TUBGCP6: variants seen among roughly 807,000 people sequenced by gnomAD.
TUBGCP6 encodes the protein gamma-tubulin complex component 6.
In TUBGCP6, 161 loss-of-function variants were observed where a neutral mutation model predicts 175.8. That is an observed-to-expected ratio of 0.92 (90% CI 0.81 to 1.04). The LOEUF (loss-of-function observed/expected upper bound fraction) is 1.04, where lower values mean the gene tolerates loss of function less well. Ranked by LOEUF, TUBGCP6 falls within the 50% of genes least tolerant of loss-of-function variation. The probability of loss-of-function intolerance (pLI) is 0.00; values close to 1 mark genes in which losing one functional copy is unlikely to be tolerated. For synonymous variants in TUBGCP6, 1,173 were observed against 1,030.5 expected, an observed-to-expected ratio of 1.14 and a Z score of -2.65; for missense variants, 2,572 against 2,433.0, an observed-to-expected ratio of 1.06 and a Z score of -1.20.
Position 50,220,308 on chromosome 22 carries a change from C to G in TUBGCP6, c.4051G>C (p.Ala1351Pro), listed in dbSNP as rs200701438. 7.4e-5 allele frequency: 117 copies of G among 1,576,610 alleles called. No homozygotes were observed. The highest frequency in any genetic ancestry group is 9.4e-5 in the Non-Finnish European group (109 of 1,157,144). ...ISVGENVSDV[A>P]PTQPWWPNTP... ...TTGGGCCACCATGGTTGGGTGGGAG[C>G]CACGTCTGACACGTTCTCCCCCACG... is the stretch of plus-strand genomic sequence containing the variant. Residue 1351 changes from alanine (A) to proline (P), a missense_variant, in exon 16 of 25, where the codon GCT becomes CCT. By Grantham distance (27) the Ala-to-Pro change is conservative. Transcript: ENST00000248846.
In TUBGCP6 at chr22:50,219,589, G is replaced by A. The variant is rs115789722; in HGVS notation, c.4315+55C>T. The A allele has an allele frequency of 9.0e-4, 1,439 of 1,599,926 alleles. 11 individuals carry two copies. The African/African-American group carries it at 0.017, about 19-fold the overall frequency. On this transcript the variant is annotated intron_variant, in intron 18 of 24. Coordinates refer to ENST00000248846, the MANE Select transcript of TUBGCP6 (RefSeq NM_020461.4). Reference sequence around the variant, plus strand: ...CCCCAACCCACAGGAGGTGGAGCACGTGCTGGGAACCAGCCAGCCCAGGGC... The same window carrying A: ...CCCCAACCCACAGGAGGTGGAGCACATGCTGGGAACCAGCCAGCCCAGGGC...
intron 2 of TUBGCP6, among the ~76,000 whole-genome samples, chr22:50,236,363 T>C (rs997084058): frequency 2.0e-5 from 3 of 152,030 alleles, no homozygotes; most frequent in Admixed American, 6.6e-5. Context: ...TCTCGATCTC[T>C]TGACCTCGTG....
Position 50,219,372 on chromosome 22 carries a change from G to T in TUBGCP6, c.4400C>A (p.Ala1467Asp). 6.3e-7 allele frequency: 1 copy of T among 1,582,532 alleles called. No individual in the cohort carries two copies. Among genetic ancestry groups the T allele is most frequent in the Non-Finnish European group, 8.6e-7 (1 of 1,165,382 alleles). ...FPVDPQVQSA[A>D]DETAVQLSEL... is the part of the protein sequence containing the mutation. Reference sequence around the variant, plus strand: ...GCTCAGCTGCACAGCAGTCTCATCAGCGGCAGACTGGACCTGGGGGTCCAC... The same window carrying T: ...GCTCAGCTGCACAGCAGTCTCATCATCGGCAGACTGGACCTGGGGGTCCAC... The change falls in exon 19 of 25, where the codon GCT (alanine) becomes GAT (aspartate). Residue 1467 changes from alanine to aspartate, a missense_variant. Transcript: ENST00000248846.
Position 50,227,826 on chromosome 22 carries a change from G to A in TUBGCP6, c.1412+81C>T. 3.3e-6 allele frequency: 5 copies of A among 1,524,774 alleles called. No homozygotes were observed. In the South Asian group the frequency reaches 4.9e-5, roughly 15 times the overall value. The allele number at this position is 1,524,774 out of a possible 1,614,324, so 94.5% of individuals were successfully genotyped here. A position where few individuals can be genotyped will look rare whatever the true frequency, so the allele number is the denominator to read the frequency against. ...TCTCACAGGCCCTCCTTGCCAGGGA[G>A]CAGGGCAAACCCTCCACCACCCAGC... On this transcript the variant is annotated intron_variant, in intron 5 of 24. Coordinates refer to ENST00000248846, the MANE Select transcript of TUBGCP6 (RefSeq NM_020461.4).
chr22:50,240,217 C>G lies in TUBGCP6; in HGVS notation c.892G>C (p.Glu298Gln). The change falls in exon 2 of 25, where the codon GAG becomes CAG. Residue 298 changes from glutamate to glutamine, a missense_variant. Coordinates refer to ENST00000248846, the MANE Select transcript of TUBGCP6 (RefSeq NM_020461.4). ...TYEASKRRCWERVGCPPGHRE... is the reference protein window; with the variant it reads ...TYEASKRRCWQRVGCPPGHRE... The stretch of plus-strand genomic sequence containing the variant: ...AAGGGCACACACCAGCCAACTCGCT[C>G]CCAGCACCTCCGCTTGCTGGCCTCA... The G allele has an allele frequency of 1.9e-6, 3 of 1,613,856 alleles. No individual in the cohort carries two copies. The highest frequency in any genetic ancestry group is 2.5e-6 in the Non-Finnish European group (3 of 1,180,038).
intron 2 of TUBGCP6, among the ~76,000 whole-genome samples, chr22:50,236,719 C>A (rs1007688211): frequency 1.3e-5 from 2 of 152,166 alleles, no homozygotes; most frequent in Non-Finnish European, 2.9e-5. Context: ...CGCTCTGGAC[C>A]CCAGACGCCT....
Position 50,218,224 on chromosome 22 carries a change from A to C in TUBGCP6, c.5133T>G (p.Arg1711=), listed in dbSNP as rs150871384. ...CCTTGTGCAGGTACTCTGCGTGCGC[A>C]CGCTGGATCTCCTCCAGGTCGCCCA... ...ATVGDLEEIQ[R]AHAEYLHKAV... is the part of the protein sequence containing the mutation. Residue 1711 remains arginine, a synonymous_variant, in exon 23 of 25, where the codon CGT becomes CGG. Transcript: ENST00000248846. 9 of 1,612,580 alleles carry C rather than the reference A, an allele frequency of 5.6e-6. No homozygotes were observed. The African/African-American group carries it at 1.2e-4, about 22-fold the overall frequency.
chr22:50,235,390 C>A (rs2064764026), intron 2 of TUBGCP6, among the ~76,000 whole-genome samples: 1 of 47,748 alleles, frequency 2.1e-5, no homozygotes. Context: ...GAGCCTGAGC[C>A]CCCAACAGAG....
Position 50,233,436 on chromosome 22 carries a change from C to G in TUBGCP6, c.996G>C (p.Gln332His). Residue 332 changes from glutamine to histidine, a missense_variant, in exon 3 of 25, where the codon CAG (glutamine) becomes CAC (histidine). Coordinates refer to ENST00000248846, the MANE Select transcript of TUBGCP6 (RefSeq NM_020461.4). ...CCTGTAGGACGCCCCCAGCAAGCAG[C>G]TGGAGCTCCCCTTGGTGGAGCCTGC... The part of the protein sequence containing the change: ...KFCRLHQGEL[Q>H]LLAGGVLQAP... The G allele has an allele frequency of 2.5e-6, 4 of 1,613,682 alleles. No homozygotes were observed. The highest frequency in any genetic ancestry group is 3.4e-6 in the Non-Finnish European group (4 of 1,179,818).
At chr22:50,230,331 G>A (rs1455452467) in intron 3 of TUBGCP6, among the ~76,000 whole-genome samples, 2 of 152,010 alleles carry the variant, frequency 1.3e-5, no homozygotes, top group Non-Finnish European at 2.9e-5. Context: ...GTTAGGCCAG[G>A]CATGGTGGCT....
At chr22:50,231,814 C>T (rs185382386) in intron 3 of TUBGCP6, among the ~76,000 whole-genome samples, 120 of 147,590 alleles carry the variant, frequency 8.1e-4, no homozygotes, top group Admixed American at 1.7e-3. Flanking sequence ...GAGCCGAGAT[C>T]GCGCCACTGC....
At chr22:50,240,397 C>T in intron 1 of TUBGCP6, 30 bp from the exon 2 acceptor site, 6 of 1,612,552 alleles carry the variant, frequency 3.7e-6, no homozygotes, top group Non-Finnish European at 5.1e-6. Context: ...CAAACCGCCA[C>T]TTATTGCTGT....
At chr22:50,237,710 C>T (rs1051296481) in intron 2 of TUBGCP6, among the ~76,000 whole-genome samples, 1 of 152,152 alleles carries the variant, frequency 6.6e-6, no homozygotes, top group Non-Finnish European at 1.5e-5. Flanking sequence ...CACCGCCGGG[C>T]CCCACCGTGC....
At chr22:50,239,248 C>T (rs2064811604) in intron 2 of TUBGCP6, among the ~76,000 whole-genome samples, 1 of 152,214 alleles carries the variant, frequency 6.6e-6, no homozygotes, top group Non-Finnish European at 1.5e-5. Flanking sequence ...GCAATCTCGG[C>T]TCACTGCAAA....
intron 1 of TUBGCP6, among the ~76,000 whole-genome samples, 168 bp downstream of exon 1, chr22:50,243,551 G>A (rs1289974735): frequency 1.4e-5 from 2 of 145,924 alleles, no homozygotes; most frequent in East Asian, 2.1e-4. Flanking sequence ...CCAGAAAGTG[G>A]AGGTTAAGGT....
chr22:50,225,926 G>C lies in TUBGCP6; in HGVS notation c.1851C>G (p.Ser617=). The C allele has an allele frequency of 6.2e-7, 1 of 1,613,390 alleles. No homozygotes were observed. The highest frequency in any genetic ancestry group is 8.5e-7 in the Non-Finnish European group (1 of 1,179,858). Residue 617 remains serine (S), a synonymous_variant, in exon 10 of 25, where the codon TCC becomes TCG. Coordinates refer to ENST00000248846, the MANE Select transcript of TUBGCP6 (RefSeq NM_020461.4). ...LCCPRHYLCW[S]DVPVPRISVI... is the part of the protein sequence containing the mutation. ...CCGAGATCCGGGGGACAGGGACGTC[G>C]GACCAACAGAGGTAATGCTGCCAAA...
chr22:50,237,621 A>T (rs1601604770), intron 2 of TUBGCP6, among the ~76,000 whole-genome samples: 1 of 152,216 alleles, frequency 6.6e-6, no homozygotes, highest in East Asian at 1.9e-4. Context: ...TGCTCAGCAC[A>T]CTGCCAGGCA....
chr22:50,218,074 G>A lies in TUBGCP6; in HGVS notation c.5212C>T (p.His1738Tyr). 1 of 1,613,496 alleles carries A rather than the reference G, an allele frequency of 6.2e-7. No homozygotes were observed. The highest frequency in any genetic ancestry group is 2.2e-5 in the East Asian group (1 of 44,876). The change falls in exon 24 of 25, where the codon CAC (histidine) becomes TAC (tyrosine). Residue 1738 changes from histidine to tyrosine, a missense_variant. His to Tyr is a moderately conservative substitution (Grantham distance 83). Coordinates refer to ENST00000248846, the MANE Select transcript of TUBGCP6 (RefSeq NM_020461.4). Reference protein sequence around the residue: ...EKAAPVMNVIHSIFSLVLKFR... With the variant: ...EKAAPVMNVIYSIFSLVLKFR... ...TTGAGCACGAGGCTGAAGATGCTGT[G>A]GATGACGTTCATGACGGGCGCCGCC...
At chr22:50,226,405 A>G (rs1188242889) in intron 7 of TUBGCP6, 27 bp from the exon 8 acceptor site, 1 of 1,568,230 alleles carries the variant, frequency 6.4e-7, no homozygotes. Context: ...GCAGGGGTAG[A>G]TGTGGTCAAC....
Sources: gnomAD v4.1 joint callset for allele counts (sites outside exome capture counted in the v4.1 genomes callset) on GRCh38, gnomAD v4.1.1 for gene constraint, MANE v1.5 for transcripts, NCBI Gene and HGNC (gene_info 2026-07-23, HGNC 2026-07-21) for gene names.